TG: variants seen among roughly 807,000 people sequenced by gnomAD.
TG encodes the protein thyroglobulin.
TG carries 270 observed loss-of-function variants against 324.7 expected under a neutral mutation model. That is an observed-to-expected ratio of 0.83 (90% CI 0.75 to 0.92). The LOEUF is 0.92. TG is among the 40% of genes least tolerant of loss of function. The pLI, the probability that TG is intolerant of heterozygous loss-of-function variation, is 0.00. For synonymous variants in TG, 1,401 were observed against 1,327.0 expected, an observed-to-expected ratio of 1.06 and a Z score of -1.21; for missense variants, 3,591 against 3,456.4, an observed-to-expected ratio of 1.04 and a Z score of -0.98.
intron 41 of TG, among the ~76,000 whole-genome samples, chr8:133,088,336 C>T (rs921791730): frequency 4.6e-5 from 7 of 152,146 alleles, no homozygotes; most frequent in East Asian, 1.9e-4. Context: ...ATCCACCAGC[C>T]GCTCATGAGT....
intron 43 of TG, chr8:133,102,290 A>G: frequency 2.4e-6 from 1 of 414,892 alleles, no homozygotes; most frequent in Non-Finnish European, 4.4e-6. Context: ...CTGCATAAGT[A>G]TCAGCTGGAT....
chr8:133,127,132 G>T (rs1288400002), intron 45 of TG, among the ~76,000 whole-genome samples: 1 of 152,140 alleles, frequency 6.6e-6, no homozygotes, highest in African/African-American at 2.4e-5. Context: ...TTTCTGTCAA[G>T]AAAGATCCTT....
At chr8:132,987,168 A>G (rs968844931) in intron 35 of TG, among the ~76,000 whole-genome samples, 1 of 152,208 alleles carries the variant, frequency 6.6e-6, no homozygotes, top group Non-Finnish European at 1.5e-5. Context: ...AGTGCTTGTA[A>G]GTGTCTTGTT....
chr8:133,017,333 T>C (rs1034759273), intron 37 of TG, among the ~76,000 whole-genome samples: 1 of 147,802 alleles, frequency 6.8e-6, no homozygotes, highest in Non-Finnish European at 1.5e-5. Flanking sequence ...GCTGAAGAAA[T>C]TCTATTCTTT....
chr8:132,994,688 T>C, intron 35 of TG: 1 of 1,287,960 alleles, frequency 7.8e-7, no homozygotes, highest in South Asian at 1.2e-5. Context: ...TTTGACTTAT[T>C]ACAGAAGCAT....
chr8:132,952,206 A>G lies in TG; in HGVS notation c.5401+3263A>G, dbSNP rs564816809. ...GATGGTGGACTCTGACTCTCCAGGT[A>G]GTTGAGAGGATTAAAGAAGAATGTG... On this transcript the variant is annotated intron_variant, in intron 27 of 47. Transcript: ENST00000220616. Among the ~76,000 whole-genome samples, 36 of 152,316 alleles carry G rather than the reference A, an allele frequency of 2.4e-4. 1 individual carries two copies. Among genetic ancestry groups the G allele is most frequent in the South Asian group, 8.3e-4 (4 of 4,820 alleles).
In TG at chr8:133,008,993, C is replaced by T. The variant is rs369724667; in HGVS notation, c.6263-2908C>T. On this transcript the variant is annotated intron_variant, in intron 35 of 47. Transcript: ENST00000220616. ...TGGATTCTGCACAAAAGCAGTGACT[C>T]ATCCAGGGGTTCATGCAGGCCAGGG... Among the ~76,000 whole-genome samples the T allele has an allele frequency of 7.0e-4, 107 of 152,316 alleles. 3 individuals are homozygous for T. In the South Asian group the frequency reaches 0.021, roughly 30 times the overall value.
chr8:133,039,909 C>A, intron 41 of TG: 1 of 1,498,122 alleles, frequency 6.7e-7, no homozygotes, highest in Non-Finnish European at 8.9e-7. Flanking sequence ...ATGTGCTCGG[C>A]ACACACACCG....
intron 41 of TG, among the ~76,000 whole-genome samples, chr8:133,075,299 C>T (rs1007126751): frequency 2.6e-5 from 4 of 152,144 alleles, no homozygotes; most frequent in African/African-American, 9.7e-5. Flanking sequence ...TCTGGGCCCA[C>T]GAAGGCTGTG....
chr8:132,886,577 C>T lies in TG; in HGVS notation c.1205C>T (p.Ala402Val). 1 of 1,614,192 alleles carries T rather than the reference C, an allele frequency of 6.2e-7. No individual in the cohort carries two copies. Among genetic ancestry groups the T allele is most frequent in the Non-Finnish European group, 8.5e-7 (1 of 1,180,042 alleles). ...PEKRWASPRV[A>V]RFATSCPPTI... ...AAAAGATGGGCCTCTCCAAGAGTAG[C>T]CAGATTTGCCACATCCTGCCCACCC... Residue 402 changes from alanine to valine, a missense_variant, in exon 9 of 48, where the codon GCC becomes GTC. Coordinates refer to ENST00000220616, the MANE Select transcript of TG (RefSeq NM_003235.5).
intron 35 of TG, among the ~76,000 whole-genome samples, chr8:133,003,628 T>C (rs1833761923): frequency 6.6e-6 from 1 of 152,166 alleles, no homozygotes. Context: ...AAAAAGGGGA[T>C]ATGGTGCTTT....
In TG at chr8:133,077,866, C is replaced by T. The variant is rs1181800518; in HGVS notation, c.7240-17178C>T. ...CTGACCCCCTAGACAGCAGGAGCCC[C>T]CCGCACCCCTCCAAGTCATGACAAC... On this transcript the variant is annotated intron_variant, in intron 41 of 47. Coordinates refer to ENST00000220616, the MANE Select transcript of TG (RefSeq NM_003235.5). 2.0e-5 allele frequency among the ~76,000 whole-genome samples: 3 copies of T among 151,878 alleles called. 1 individual carries two copies. The highest frequency in any genetic ancestry group is 1.3e-4 in the Admixed American group (2 of 15,246).
intron 41 of TG, among the ~76,000 whole-genome samples, chr8:133,057,596 A>G (rs1841681139): frequency 6.6e-6 from 1 of 152,108 alleles, no homozygotes; most frequent in African/African-American, 2.4e-5. Context: ...CGAGTGACTC[A>G]CCTAAAGTCA....
At chr8:133,005,514 T>C (rs1170737136) in intron 35 of TG, among the ~76,000 whole-genome samples, 1 of 152,140 alleles carries the variant, frequency 6.6e-6, no homozygotes, top group African/African-American at 2.4e-5. Context: ...TTGCTGAGCA[T>C]TTCCCCTGGG....
At chr8:132,952,430 G>C (rs951319657) in intron 27 of TG, among the ~76,000 whole-genome samples, 1 of 152,176 alleles carries the variant, frequency 6.6e-6, no homozygotes, top group Non-Finnish European at 1.5e-5. Flanking sequence ...AGATTACTGA[G>C]TGAAGTGCTG....
intron 35 of TG, among the ~76,000 whole-genome samples, chr8:133,010,831 C>T (rs1032929570): frequency 6.6e-6 from 1 of 152,202 alleles, no homozygotes. Flanking sequence ...CTTCCCTCCC[C>T]CATGCTGAGA....
rs549624711 is a variant in TG at position 133,063,896 on chromosome 8, G to A, written c.7240-31148G>A. On this transcript the variant is annotated intron_variant, in intron 41 of 47. Coordinates refer to ENST00000220616, the MANE Select transcript of TG (RefSeq NM_003235.5). ...GAGCTGGAGTCTCTCTAATGAAATG[G>A]CTGAACAATTTGATTTAATCTGTGA... Among the ~76,000 whole-genome samples, 10 of 152,336 alleles carry A rather than the reference G, an allele frequency of 6.6e-5. No individual in the cohort carries two copies. In the East Asian group the frequency reaches 1.5e-3, roughly 23 times the overall value.
At chr8:132,941,660 A>C in intron 26 of TG, 118 bp downstream of exon 26, 1 of 1,159,070 alleles carries the variant, frequency 8.6e-7, no homozygotes, top group Admixed American at 1.9e-5. Context: ...CCTACACCCA[A>C]AGAGAAGGTG....
intron 35 of TG, among the ~76,000 whole-genome samples, chr8:132,997,331 G>A (rs1029881540): frequency 3.3e-5 from 5 of 152,218 alleles, no homozygotes; most frequent in Admixed American, 6.5e-5. Context: ...AAGGACATCT[G>A]CTTGGAGGTG....
Sources: gnomAD v4.1 joint callset for allele counts (sites outside exome capture counted in the v4.1 genomes callset) on GRCh38, gnomAD v4.1.1 for gene constraint, MANE v1.5 for transcripts, NCBI Gene and HGNC (gene_info 2026-07-23, HGNC 2026-07-21) for gene names.